ALDH5A1: variants seen among roughly 807,000 people sequenced by gnomAD.
ALDH5A1 encodes succinate-semialdehyde dehydrogenase, mitochondrial.
A neutral mutation model predicts 54.7 loss-of-function variants in ALDH5A1; 33 were observed. That is an observed-to-expected ratio of 0.60 (90% CI 0.46 to 0.81). The LOEUF (loss-of-function observed/expected upper bound fraction) is 0.81, where lower values mean the gene tolerates loss of function less well. ALDH5A1 is among the 30% of genes least tolerant of loss of function. The probability of loss-of-function intolerance (pLI) is 0.00; values close to 1 mark genes in which losing one functional copy is unlikely to be tolerated. For synonymous variants in ALDH5A1, 294 were observed against 292.7 expected, an observed-to-expected ratio of 1.00 and a Z score of -0.05; for missense variants, 657 against 711.0, an observed-to-expected ratio of 0.92 and a Z score of 0.86.
intron 5 of ALDH5A1, among the ~76,000 whole-genome samples, chr6:24,519,351 G>C (rs938202786): frequency 6.6e-6 from 1 of 152,156 alleles, no homozygotes; most frequent in Admixed American, 6.5e-5. Context: ...GATCACTTGA[G>C]GTCAGGAGTT....
chr6:24,497,170 G>C (rs918254813), intron 1 of ALDH5A1, among the ~76,000 whole-genome samples: 2 of 152,150 alleles, frequency 1.3e-5, no homozygotes, highest in Non-Finnish European at 2.9e-5. Context: ...AAGGGGACCC[G>C]AGTGGGTTGT....
At chr6:24,512,145 T>A (rs1759472079) in intron 4 of ALDH5A1, among the ~76,000 whole-genome samples, 1 of 152,236 alleles carries the variant, frequency 6.6e-6, no homozygotes, top group Non-Finnish European at 1.5e-5. Flanking sequence ...TCCAGGCTGC[T>A]ACTGAGGGTT....
At chr6:24,502,199 G>C (rs1764834674) in intron 1 of ALDH5A1, among the ~76,000 whole-genome samples, 1 of 152,140 alleles carries the variant, frequency 6.6e-6, no homozygotes, top group Non-Finnish European at 1.5e-5. Flanking sequence ...TGCAGAGAGT[G>C]AATTTGCTCT....
chr6:24,523,356 C>CA (rs4646846), intron 7 of ALDH5A1, among the ~76,000 whole-genome samples: 6,958 of 134,356 alleles, frequency 0.052, 204 homozygotes, highest in African/African-American at 0.093. Flanking sequence ...TGTTAAAAGG[C>CA]AAAAAAAAAA....
At chr6:24,506,273 T>TTTTTTTTTTTTTTTTTTTTG (rs1390825941) in intron 4 of ALDH5A1, among the ~76,000 whole-genome samples, 1 of 105,014 alleles carries the variant, frequency 9.5e-6, no homozygotes, top group Non-Finnish European at 1.8e-5. Context: ...TTTTTTTTTT[T>TTTTTTTTTTTTTTTTTTTTG]GAGACAGTCT....
intron 1 of ALDH5A1, among the ~76,000 whole-genome samples, chr6:24,498,629 T>C (rs910528983): frequency 1.3e-5 from 2 of 152,176 alleles, no homozygotes; most frequent in African/African-American, 4.8e-5. Flanking sequence ...GCTTCCATCT[T>C]ACAAGGGCTA....
chr6:24,501,475 C>G (rs1764816377), intron 1 of ALDH5A1, among the ~76,000 whole-genome samples: 1 of 152,186 alleles, frequency 6.6e-6, no homozygotes, highest in African/African-American at 2.4e-5. Flanking sequence ...TCAGAAATAA[C>G]TCAGAGCCAG....
At chr6:24,508,395 T>TA (rs1759401985) in intron 4 of ALDH5A1, among the ~76,000 whole-genome samples, 2 of 26,168 alleles carry the variant, frequency 7.6e-5, no homozygotes, top group Non-Finnish European at 2.0e-4. Flanking sequence ...AAAAGATTAA[T>TA]AGTCTCTAAT....
At position 24,495,033 on chromosome 6, in the gene ALDH5A1, C is replaced by A; in HGVS notation, c.37C>A (p.Arg13=). The A allele has an allele frequency of 1.5e-6, 2 of 1,347,918 alleles. No homozygotes were observed. Among genetic ancestry groups the A allele is most frequent in the East Asian group, 2.8e-5 (1 of 35,392 alleles). The allele number at this position is 1,347,918 out of a possible 1,614,324, so 83.5% of individuals were successfully genotyped here. The change falls in exon 1 of 10, where the codon CGG becomes AGG. Residue 13 remains arginine (R), a synonymous_variant. Coordinates refer to ENST00000357578, the MANE Select transcript of ALDH5A1 (RefSeq NM_001080.3). The part of the protein sequence containing the change: ...TCIWLRSCGA[R]RLGSTFPGCR... The stretch of plus-strand genomic sequence containing the variant: ...CATTTGGCTGCGGAGCTGTGGGGCC[C>A]GGCGCCTCGGGTCGACGTTTCCAGG...
chr6:24,518,448 C>T lies in ALDH5A1; in HGVS notation c.871-1953C>T, dbSNP rs1271566929. Among the ~76,000 whole-genome samples, 1 of 152,132 alleles carries T rather than the reference C, an allele frequency of 6.6e-6. No individual in the cohort carries two copies. Among genetic ancestry groups the T allele is most frequent in the African/African-American group, 2.4e-5 (1 of 41,422 alleles). ...CCAGTGCAGGTGGAGGGACAGACAC[C>T]AGAGACAGGACCTGTGCTCAAGGCC... On this transcript the variant is annotated intron_variant, in intron 5 of 9. Coordinates refer to ENST00000357578, the MANE Select transcript of ALDH5A1 (RefSeq NM_001080.3). This position sits in a 1 kb window ranked among gnomAD's most constrained non-coding sequence, Gnocchi z 4.2.
intron 1 of ALDH5A1, among the ~76,000 whole-genome samples, chr6:24,496,897 G>GC (rs1764719646): frequency 1.3e-5 from 2 of 152,098 alleles, no homozygotes; most frequent in South Asian, 4.2e-4. Flanking sequence ...TTAGGACTTC[G>GC]ACATGTCAAT....
At chr6:24,516,915 C>A (rs950715525) in intron 5 of ALDH5A1, among the ~76,000 whole-genome samples, 3 of 152,124 alleles carry the variant, frequency 2.0e-5, no homozygotes, top group Non-Finnish European at 4.4e-5. Context: ...AGGTGTGAGA[C>A]CCTGCCTCAA....
At chr6:24,512,253 TCTG>T (rs1759473978) in intron 4 of ALDH5A1, among the ~76,000 whole-genome samples, 1 of 152,202 alleles carries the variant, frequency 6.6e-6, no homozygotes, top group South Asian at 2.1e-4. Flanking sequence ...GCAGGAGCAA[TCTG>T]CTTCCTTCAC....
Position 24,518,030 on chromosome 6 carries a change from G to A in ALDH5A1, c.871-2371G>A, listed in dbSNP as rs373658052. Among the ~76,000 whole-genome samples, 4 of 152,298 alleles carry A rather than the reference G, an allele frequency of 2.6e-5. No individual in the cohort carries two copies. Among genetic ancestry groups the A allele is most frequent in the Admixed American group, 6.5e-5 (1 of 15,292 alleles). On this transcript the variant is annotated intron_variant, in intron 5 of 9. Transcript: ENST00000357578. The surrounding 1 kb of genome is among the most constrained non-coding windows in gnomAD (Gnocchi z 4.2). ...ATCATGAGTGGTCATTGACTTGAGC[G>A]AAACAGAAATTGTGGGCTGGCCAGT... is the stretch of plus-strand genomic sequence containing the variant.
In ALDH5A1 at chr6:24,519,066, C is replaced by T. The variant is rs548299193; in HGVS notation, c.871-1335C>T. On this transcript the variant is annotated intron_variant, in intron 5 of 9. Coordinates refer to ENST00000357578, the MANE Select transcript of ALDH5A1 (RefSeq NM_001080.3). ...TAGCAATTCTACATGTTCATCCTGACAGAATCATCACAGTGTTTTTGTCTT... is the reference window on the plus strand; with the variant it reads ...TAGCAATTCTACATGTTCATCCTGATAGAATCATCACAGTGTTTTTGTCTT... Among the ~76,000 whole-genome samples the T allele has an allele frequency of 9.2e-5, 14 of 152,266 alleles. No individual in the cohort carries two copies. The South Asian group carries it at 2.9e-3, about 32-fold the overall frequency.
In ALDH5A1 at chr6:24,503,340, C is replaced by T; in HGVS notation, c.516C>T (p.Arg172=). The T allele has an allele frequency of 1.9e-6, 3 of 1,614,092 alleles. No individual in the cohort carries two copies. The highest frequency in any genetic ancestry group is 2.5e-6 in the Non-Finnish European group (3 of 1,180,028). ...FFLEWFSEEA[R]RVYGDIIHTP... Reference sequence around the variant, plus strand: ...TAGAGTGGTTCTCTGAGGAAGCCCGCCGTGTTTACGGAGACATTATCCACA... The same window carrying T: ...TAGAGTGGTTCTCTGAGGAAGCCCGTCGTGTTTACGGAGACATTATCCACA... Residue 172 remains arginine (R), a synonymous_variant, in exon 3 of 10, where the codon CGC becomes CGT. Coordinates refer to ENST00000357578, the MANE Select transcript of ALDH5A1 (RefSeq NM_001080.3).
At position 24,522,929 on chromosome 6, in the gene ALDH5A1, A is replaced by C; in HGVS notation, c.1173+4A>C. On this transcript the variant is annotated splice_donor_region_variant and intron_variant, in intron 7 of 9. Transcript: ENST00000357578. ...TAATGAAAAAGCGGTAGAAAAGGTA[A>C]GTATATTGTATTATTTGTGAAAGTA... 2 of 1,530,566 alleles carry C rather than the reference A, an allele frequency of 1.3e-6. No individual in the cohort carries two copies. The highest frequency in any genetic ancestry group is 1.8e-6 in the Non-Finnish European group (2 of 1,126,386). 94.8% of individuals were successfully genotyped at this position (1,530,566 alleles called of 1,614,324 possible).
At chr6:24,502,469 T>G in intron 1 of ALDH5A1, 54 bp from the exon 2 acceptor site, 2 of 1,303,098 alleles carry the variant, frequency 1.5e-6, no homozygotes, top group Non-Finnish European at 2.2e-6. Context: ...TATTTAGCAT[T>G]CTGTCTTACA....
At chr6:24,507,400 G>A (rs995805399) in intron 4 of ALDH5A1, among the ~76,000 whole-genome samples, 1 of 151,622 alleles carries the variant, frequency 6.6e-6, no homozygotes, top group African/African-American at 2.4e-5. Context: ...AATTCAGATG[G>A]TAACCTAAGT....
Sources: allele counts gnomAD v4.1 joint callset (sites outside exome capture counted in the v4.1 genomes callset), GRCh38; gene constraint gnomAD v4.1.1; non-coding constraint Gnocchi (gnomAD v3.1); transcripts MANE v1.5; gene names NCBI Gene and HGNC (gene_info 2026-07-23, HGNC 2026-07-21).